SPINK2: variants seen among roughly 807,000 people sequenced by gnomAD.
The protein encoded by SPINK2 is serine peptidase inhibitor Kazal type 2, also known as serine protease inhibitor Kazal-type 2.
Under a neutral mutation model 13.5 loss-of-function variants are expected in SPINK2, and 8 were observed. That is an observed-to-expected ratio of 0.59 (90% CI 0.35 to 1.07). SPINK2 has a LOEUF of 1.07. SPINK2 is among the 50% of genes least tolerant of loss of function. The pLI is 0.02. For missense variants in SPINK2, 148 were observed against 180.3 expected, an observed-to-expected ratio of 0.82 and a Z score of 1.03; for synonymous variants, 76 against 74.7, an observed-to-expected ratio of 1.02 and a Z score of -0.09.
rs940308431 is a variant in SPINK2 at position 56,816,753 on chromosome 4, C to T, written c.249+3783G>A. ...AATTAGCTGGGCATGGTGGCGGGAA[C>T]CTGTAATCCAGCTACTTGGGAGGCT... On this transcript the variant is annotated intron_variant, in intron 2 of 3. Coordinates refer to ENST00000506738, the MANE Select transcript of SPINK2 (RefSeq NM_001271718.2). The T allele has an allele frequency of 2.0e-5, 3 of 149,918 alleles. No individual in the cohort carries two copies. In the South Asian group the frequency reaches 6.3e-4, roughly 32 times the overall value. The allele number at this position is 149,918 out of a possible 1,614,324, so 9.3% of individuals were successfully genotyped here.
At chr4:56,812,417 C>T (rs1468298820) in intron 2 of SPINK2, among the ~76,000 whole-genome samples, 1 of 150,802 alleles carries the variant, frequency 6.6e-6, no homozygotes, top group Non-Finnish European at 1.5e-5. Flanking sequence ...TAGCCGGGCA[C>T]GGTGGCGCAT....
chr4:56,816,203 A>G (rs1398906816), intron 2 of SPINK2, among the ~76,000 whole-genome samples: 1 of 152,176 alleles, frequency 6.6e-6, no homozygotes, highest in Non-Finnish European at 1.5e-5. Flanking sequence ...ACAATGAAAA[A>G]TCTGAAAATA....
chr4:56,814,081 G>A (rs1461538648), intron 2 of SPINK2, among the ~76,000 whole-genome samples: 2 of 151,284 alleles, frequency 1.3e-5, no homozygotes, highest in African/African-American at 2.4e-5. Flanking sequence ...CCACCACCAC[G>A]CCCGGCTAAT....
intron 2 of SPINK2, 30 bp downstream of exon 2, chr4:56,820,506 T>G: frequency 6.3e-7 from 1 of 1,585,370 alleles, no homozygotes; most frequent in Non-Finnish European, 8.7e-7. Flanking sequence ...ACTGTATTAG[T>G]AGAAACAGTA....
intron 2 of SPINK2, among the ~76,000 whole-genome samples, chr4:56,813,021 A>G (rs1489818728): frequency 6.6e-6 from 1 of 152,148 alleles, no homozygotes; most frequent in Non-Finnish European, 1.5e-5. Context: ...CCTTAATGTC[A>G]TTTTAATTCT....
Position 56,812,563 on chromosome 4 carries a change from C to CAAAAAAA in SPINK2, c.250-776_250-770dup, listed in dbSNP as rs57162077. On this transcript the variant is annotated intron_variant, in intron 2 of 3. Transcript: ENST00000506738. ...GGGCAACGAGAACGAAACTCCATCT[C>CAAAAAAA]AAAAAAAAAAAAAAAAAAAAAAAAA... is the stretch of plus-strand genomic sequence containing the variant. Among the ~76,000 whole-genome samples the CAAAAAAA allele has an allele frequency of 1.2e-3, 20 of 16,370 alleles. 3 individuals are homozygous for CAAAAAAA. The South Asian group carries it at 0.015, about 12-fold the overall frequency. 10.7% of individuals were successfully genotyped at this position (16,370 alleles called of 152,430 possible).
Position 56,809,958 on chromosome 4 carries a change from T to C in SPINK2, c.*181A>G. The C allele has an allele frequency of 6.8e-7, 1 of 1,461,620 alleles. No individual in the cohort carries two copies. Among genetic ancestry groups the C allele is most frequent in the Non-Finnish European group, 9.0e-7 (1 of 1,109,234 alleles). 90.5% of individuals were successfully genotyped at this position (1,461,620 alleles called of 1,614,324 possible). A position where few individuals can be genotyped will look rare whatever the true frequency, so the allele number is the denominator to read the frequency against. On this transcript the variant is annotated 3_prime_UTR_variant, in exon 4 of 4. Coordinates refer to ENST00000506738, the MANE Select transcript of SPINK2 (RefSeq NM_001271718.2). ...AGGAGCAAAAGCCAAGAAACAAGGATTCTTTTTTTCTTTAAATTATCCATC... is the reference window on the plus strand; with the variant it reads ...AGGAGCAAAAGCCAAGAAACAAGGACTCTTTTTTTCTTTAAATTATCCATC...
intron 2 of SPINK2, among the ~76,000 whole-genome samples, chr4:56,814,538 A>G (rs1717265588): frequency 6.6e-6 from 1 of 152,060 alleles, no homozygotes; most frequent in African/African-American, 2.4e-5. Context: ...AATTTAATAT[A>G]GAAGGCTGGG....
At position 56,813,911 on chromosome 4, in the gene SPINK2, A is replaced by C. The variant is rs989827609; in HGVS notation, c.250-2117T>G. Among the ~76,000 whole-genome samples the C allele has an allele frequency of 1.5e-4, 20 of 131,160 alleles. No individual in the cohort carries two copies. In the East Asian group the frequency reaches 2.5e-3, roughly 16 times the overall value. 86.0% of individuals were successfully genotyped at this position (131,160 alleles called of 152,430 possible). ...TGGGATTACAGGCATGAGCCACTGC[A>C]CCTGGCCCTTTTTTTTTTTTTTTTT... On this transcript the variant is annotated intron_variant, in intron 2 of 3. Coordinates refer to ENST00000506738, the MANE Select transcript of SPINK2 (RefSeq NM_001271718.2).
chr4:56,821,272 TC>T (rs1470117631), intron 1 of SPINK2, 185 bp downstream of exon 1: 1 of 982,128 alleles, frequency 1.0e-6, no homozygotes, highest in Non-Finnish European at 1.2e-6. Flanking sequence ...CCTGCACATC[TC>T]CTCCCTTGGG....
In SPINK2 at chr4:56,821,650, C is replaced by T. The variant is rs759320886; in HGVS notation, c.13G>A (p.Val5Met). The change falls in exon 1 of 4, where the codon GTG (valine) becomes ATG (methionine). Residue 5 changes from valine (V) to methionine (M), a missense_variant. Coordinates refer to ENST00000506738, the MANE Select transcript of SPINK2 (RefSeq NM_001271718.2). MALS[V>M]LRLALLLLAV... ...AGGAGCAGCAGCGCCAAGCGCAGCA[C>T]CGACAGCGCCATCCTCCTCCCGCGC... 1.3e-6 allele frequency: 2 copies of T among 1,541,540 alleles called. No homozygotes were observed. Among genetic ancestry groups the T allele is most frequent in the Non-Finnish European group, 1.7e-6 (2 of 1,145,216 alleles).
At chr4:56,812,563 C>CAA (rs57162077) in intron 2 of SPINK2, among the ~76,000 whole-genome samples, 218 of 16,350 alleles carry the variant, frequency 0.013, 28 homozygotes, top group African/African-American at 0.026. Flanking sequence ...AACTCCATCT[C>CAA]AAAAAAAAAA....
At chr4:56,815,701 AAAACAAAC>A (rs532186116) in intron 2 of SPINK2, among the ~76,000 whole-genome samples, 2 of 151,958 alleles carry the variant, frequency 1.3e-5, no homozygotes, top group Admixed American at 1.3e-4. Context: ...CGTGTCTCAA[AAAACAAAC>A]AAACAAACAA....
At chr4:56,817,593 G>C (rs1206142513) in intron 2 of SPINK2, among the ~76,000 whole-genome samples, 3 of 151,320 alleles carry the variant, frequency 2.0e-5, no homozygotes, top group East Asian at 3.9e-4. Context: ...GTTCACGCTT[G>C]TAATCCCAGC....
upstream of SPINK2, chr4:56,821,720 G>A (rs770995648): frequency 8.7e-6 from 12 of 1,376,550 alleles, no homozygotes; most frequent in African/African-American, 1.9e-4. Flanking sequence ...CACTCGCAGG[G>A]AGCGCTCGTG....
At chr4:56,818,207 TCC>T (rs1717620308) in intron 2 of SPINK2, 1 of 152,200 alleles carries the variant, frequency 6.6e-6, no homozygotes, top group African/African-American at 2.4e-5. Context: ...TCTGTCTCTC[TCC>T]CTTTTTTCTT....
intron 2 of SPINK2, among the ~76,000 whole-genome samples, chr4:56,814,520 A>T (rs138848824): frequency 1.3e-5 from 2 of 152,172 alleles, no homozygotes; most frequent in Non-Finnish European, 2.9e-5. Flanking sequence ...GTCTTGAAGA[A>T]AGGGTAAAAT....
chr4:56,814,830 G>T (rs1336193173), intron 2 of SPINK2, among the ~76,000 whole-genome samples: 1 of 151,820 alleles, frequency 6.6e-6, no homozygotes, highest in Non-Finnish European at 1.5e-5. Context: ...ACATGGTGGT[G>T]GGCGCCTGTA....
chr4:56,810,852 T>C (rs572207083), intron 3 of SPINK2, among the ~76,000 whole-genome samples: 48 of 150,916 alleles, frequency 3.2e-4, no homozygotes, highest in African/African-American at 9.2e-4. Context: ...GAAGACCGAC[T>C]AAGGTCAAAT....
Sources: allele counts gnomAD v4.1 joint callset (sites outside exome capture counted in the v4.1 genomes callset), GRCh38; gene constraint gnomAD v4.1.1; transcripts MANE v1.5; gene names NCBI Gene and HGNC (gene_info 2026-07-23, HGNC 2026-07-21).